The following GPC6 variants were observed in gnomAD, a reference collection of about 807,000 sequenced individuals.
GPC6 encodes the protein glypican-6.
GPC6 carries 14 observed loss-of-function variants against 55.2 expected under a neutral mutation model. That is an observed-to-expected ratio of 0.25 (90% confidence interval 0.17 to 0.40). The LOEUF (loss-of-function observed/expected upper bound fraction) is 0.40. Ranked by LOEUF, GPC6 falls within the 10% of genes least tolerant of loss-of-function variation. The pLI is 1.00. For missense variants in GPC6, 641 were observed against 708.5 expected (o/e 0.90, Z 1.08); for synonymous variants, 278 against 259.6 (o/e 1.07, Z -0.68).
rs1480246990 is a variant in GPC6 at position 94,159,307 on chromosome 13, C to T, written c.878-127042C>T. On this transcript the variant is annotated intron_variant, in intron 4 of 8. Coordinates refer to ENST00000377047, the MANE Select transcript of GPC6 (RefSeq NM_005708.5). ...AAACCAGTATATTCATCCGTTTTCA[C>T]ACCACTGATGAAGACATATCTAAGA... Among the ~76,000 whole-genome samples, 11 of 152,250 alleles carry T rather than the reference C, an allele frequency of 7.2e-5. 1 individual carries two copies. The South Asian group carries it at 2.3e-3, about 32-fold the overall frequency.
chr13:94,090,392 A>G (rs1885437414), intron 4 of GPC6, among the ~76,000 whole-genome samples: 1 of 152,142 alleles, frequency 6.6e-6, no homozygotes, highest in Admixed American at 6.6e-5. Flanking sequence ...TATCATTTCT[A>G]TTAGCATGAG....
Position 93,227,520 on chromosome 13 carries a change from G to A in GPC6, c.64G>A (p.Gly22Arg), listed in dbSNP as rs150023233. 1,145 of 1,613,820 alleles carry A rather than the reference G, an allele frequency of 7.1e-4. 13 individuals are homozygous for A. In the African/African-American group the frequency reaches 0.013, roughly 19 times the overall value. Residue 22 changes from glycine to arginine, a missense_variant, in exon 1 of 9, where the codon GGG becomes AGG. Transcript: ENST00000377047. The surrounding 1 kb of genome is among the most constrained non-coding windows in gnomAD (Gnocchi z 4.3). Reference sequence around the variant, plus strand: ...GGGGCTGCTGCTCTCCCTCCCCGCCGGGGCGGATGTGAAGGCTCGGAGCTG... The same window carrying A: ...GGGGCTGCTGCTCTCCCTCCCCGCCAGGGCGGATGTGAAGGCTCGGAGCTG... ...LLGLLLSLPA[G>R]ADVKARSCGE...
At chr13:94,363,513 A>G (rs573074598) in intron 6 of GPC6, among the ~76,000 whole-genome samples, 2 of 152,160 alleles carry the variant, frequency 1.3e-5, no homozygotes, top group Non-Finnish European at 2.9e-5. Flanking sequence ...AATGCAACCT[A>G]CTCAAAAAGT....
At chr13:93,657,610 T>G (rs988703811) in intron 2 of GPC6, among the ~76,000 whole-genome samples, 30 of 152,094 alleles carry the variant, frequency 2.0e-4, no homozygotes, top group Non-Finnish European at 2.9e-5. Flanking sequence ...TGGGATCTAA[T>G]TAAACTATAG....
chr13:93,458,031 G>C (rs1878533318), intron 1 of GPC6, among the ~76,000 whole-genome samples: 1 of 152,154 alleles, frequency 6.6e-6, no homozygotes, highest in Admixed American at 6.5e-5. Flanking sequence ...AGCTACTCTA[G>C]TTTATATTGT....
chr13:93,427,480 G>C (rs899727957), intron 1 of GPC6, among the ~76,000 whole-genome samples: 6 of 151,840 alleles, frequency 4.0e-5, no homozygotes, highest in South Asian at 2.1e-4. Context: ...TGACAAACCT[G>C]AGAAAAACAA....
At chr13:94,313,604 C>T (rs1023842385) in intron 6 of GPC6, among the ~76,000 whole-genome samples, 7 of 152,136 alleles carry the variant, frequency 4.6e-5, no homozygotes, top group Non-Finnish European at 1.0e-4. Flanking sequence ...CACATCACTG[C>T]TTTAAGACAT....
intron 4 of GPC6, among the ~76,000 whole-genome samples, chr13:94,071,767 C>T (rs1006923633): frequency 1.3e-5 from 2 of 152,092 alleles, no homozygotes; most frequent in African/African-American, 4.8e-5. Flanking sequence ...AAAAAATATG[C>T]AGTGAAGTTC....
At chr13:93,867,317 A>G (rs1047525021) in intron 3 of GPC6, among the ~76,000 whole-genome samples, 3 of 151,668 alleles carry the variant, frequency 2.0e-5, no homozygotes, top group African/African-American at 7.3e-5. Context: ...TCTAACATTG[A>G]GGTAGGGCAT....
intron 1 of GPC6, among the ~76,000 whole-genome samples, chr13:93,247,067 G>A (rs1876627729): frequency 6.6e-6 from 1 of 150,648 alleles, no homozygotes; most frequent in Non-Finnish European, 1.5e-5. Context: ...ATTTTATTAT[G>A]AAAGAAACAA....
intron 6 of GPC6, among the ~76,000 whole-genome samples, chr13:94,346,714 C>T (rs1281467846): frequency 2.9e-5 from 4 of 139,352 alleles, no homozygotes; most frequent in Admixed American, 1.4e-4. Context: ...GAGCAAGACT[C>T]CTCTCAAAAA....
intron 2 of GPC6, among the ~76,000 whole-genome samples, chr13:93,725,894 T>G (rs982371632): frequency 6.6e-6 from 1 of 152,022 alleles, no homozygotes; most frequent in Non-Finnish European, 1.5e-5. Context: ...TTAGATAATC[T>G]AGCAAGTCAG....
In GPC6 at chr13:93,826,020, C is replaced by T. The variant is rs182523748; in HGVS notation, c.320-4134C>T. On this transcript the variant is annotated intron_variant, in intron 2 of 8. Coordinates refer to ENST00000377047, the MANE Select transcript of GPC6 (RefSeq NM_005708.5). ...GGACTACAGGTGCCCACCACCATGC[C>T]TGGCTAATTTTGTATTTTTAGTAGA... Among the ~76,000 whole-genome samples the T allele has an allele frequency of 2.1e-3, 315 of 152,014 alleles. 2 individuals carry two copies. Among genetic ancestry groups the T allele is most frequent in the African/African-American group, 7.4e-3 (306 of 41,486 alleles).
At chr13:94,000,663 G>A (rs1881755909) in intron 3 of GPC6, among the ~76,000 whole-genome samples, 1 of 152,082 alleles carries the variant, frequency 6.6e-6, no homozygotes, top group Non-Finnish European at 1.5e-5. Context: ...TACAAAATAG[G>A]CATGGCAGAA....
intron 4 of GPC6, among the ~76,000 whole-genome samples, chr13:94,156,176 G>A (rs1242911311): frequency 1.3e-5 from 2 of 152,032 alleles, no homozygotes; most frequent in African/African-American, 4.8e-5. Flanking sequence ...AATGAAACAG[G>A]GTAAACTTAA....
chr13:93,949,899 G>T (rs189173422), intron 3 of GPC6, among the ~76,000 whole-genome samples: 1 of 151,904 alleles, frequency 6.6e-6, no homozygotes, highest in Non-Finnish European at 1.5e-5. Context: ...GCTGATTTTT[G>T]TATTTTTTGT....
At chr13:94,235,647 T>C (rs1890856801) in intron 4 of GPC6, among the ~76,000 whole-genome samples, 1 of 152,152 alleles carries the variant, frequency 6.6e-6, no homozygotes, top group Non-Finnish European at 1.5e-5. Flanking sequence ...ACACCAAGAC[T>C]CAAAAACTTA....
chr13:94,246,441 T>C (rs1891198342), intron 4 of GPC6, among the ~76,000 whole-genome samples: 1 of 152,254 alleles, frequency 6.6e-6, no homozygotes, highest in Middle Eastern at 3.4e-3. Flanking sequence ...CCAAAGCCAG[T>C]GTCAAGGAGC....
At chr13:93,940,593 A>G (rs1246670203) in intron 3 of GPC6, among the ~76,000 whole-genome samples, 1 of 152,214 alleles carries the variant, frequency 6.6e-6, no homozygotes, top group Non-Finnish European at 1.5e-5. Context: ...ATAGATTTAA[A>G]GAGACCCAAT....
Sources: gnomAD v4.1 joint callset for allele counts (sites outside exome capture counted in the v4.1 genomes callset) on GRCh38, gnomAD v4.1.1 for gene constraint, Gnocchi (gnomAD v3.1) non-coding constraint, MANE v1.5 for transcripts, NCBI Gene and HGNC (gene_info 2026-07-23, HGNC 2026-07-21) for gene names.